Variants in SMYD3 observed in about 807,000 individuals in gnomAD.
SMYD3 encodes histone-lysine N-methyltransferase SMYD3.
A neutral mutation model predicts 57.7 loss-of-function variants in SMYD3; 36 were observed. The observed-to-expected ratio is 0.62, with a 90% CI of 0.48 to 0.82. The LOEUF (loss-of-function observed/expected upper bound fraction) is 0.82, where lower values mean the gene tolerates loss of function less well. SMYD3 is among the 40% of genes least tolerant of loss of function. The pLI is 0.00. For missense variants in SMYD3, 515 were observed against 538.8 expected (o/e 0.96, Z 0.44); for synonymous variants, 211 against 195.0 (o/e 1.08, Z -0.68).
intron 10 of SMYD3, among the ~76,000 whole-genome samples, chr1:245,812,541 GC>G (rs1471472952): frequency 6.6e-6 from 1 of 152,102 alleles, no homozygotes; most frequent in African/African-American, 2.4e-5. Flanking sequence ...CACCAGGGCT[GC>G]CCGAGGAAAC....
At chr1:245,764,622 G>T (rs752915306) in intron 10 of SMYD3, among the ~76,000 whole-genome samples, 6 of 150,830 alleles carry the variant, frequency 4.0e-5, no homozygotes, top group South Asian at 4.2e-4. Context: ...CCTTTTAACC[G>T]CAAAGCCCTT....
chr1:246,219,961 T>C lies in SMYD3; in HGVS notation c.531+107240A>G, dbSNP rs146219679. Among the ~76,000 whole-genome samples, 1,064 of 152,292 alleles carry C rather than the reference T, an allele frequency of 7.0e-3. 7 individuals carry two copies. Among genetic ancestry groups the C allele is most frequent in the Non-Finnish European group, 0.01 (694 of 68,034 alleles). ...CCTTGTTGACTCATGCACTCCCTCCTGTGAGGAGCTGAGAGCTGCAGGTGA... is the reference window on the plus strand; with the variant it reads ...CCTTGTTGACTCATGCACTCCCTCCCGTGAGGAGCTGAGAGCTGCAGGTGA... On this transcript the variant is annotated intron_variant, in intron 5 of 11. Transcript: ENST00000490107.
At chr1:246,076,940 T>C (rs2060559980) in intron 5 of SMYD3, among the ~76,000 whole-genome samples, 1 of 152,162 alleles carries the variant, frequency 6.6e-6, no homozygotes, top group East Asian at 1.9e-4. Context: ...GCTGACTGTT[T>C]CATGAAAGCA....
chr1:246,080,528 G>A (rs1193720962), intron 5 of SMYD3, among the ~76,000 whole-genome samples: 1 of 152,186 alleles, frequency 6.6e-6, no homozygotes, highest in African/African-American at 2.4e-5. Context: ...CCTGGTGCCA[G>A]AAAGGTTGGG....
At chr1:246,156,869 C>T (rs1053163631) in intron 5 of SMYD3, among the ~76,000 whole-genome samples, 5 of 152,030 alleles carry the variant, frequency 3.3e-5, no homozygotes, top group East Asian at 1.9e-4. Context: ...TCGAACAAAC[C>T]GTATTTAGTG....
At chr1:246,404,146 T>C (rs1481715035) in intron 1 of SMYD3, among the ~76,000 whole-genome samples, 2 of 152,228 alleles carry the variant, frequency 1.3e-5, no homozygotes, top group Non-Finnish European at 2.9e-5. Context: ...GGAAATTTTT[T>C]GCTTTTCGTT....
At chr1:246,047,490 C>T (rs1282763194) in intron 5 of SMYD3, among the ~76,000 whole-genome samples, 1 of 152,178 alleles carries the variant, frequency 6.6e-6, no homozygotes, top group Non-Finnish European at 1.5e-5. Context: ...GATTGTATTA[C>T]CTCAAAGCAT....
At chr1:245,776,099 G>A (rs778424682) in intron 10 of SMYD3, among the ~76,000 whole-genome samples, 1 of 152,164 alleles carries the variant, frequency 6.6e-6, no homozygotes, top group African/African-American at 2.4e-5. Flanking sequence ...CACGAAGACC[G>A]TAAGAAAGTA....
chr1:246,444,474 T>G (rs2067523264), intron 1 of SMYD3, among the ~76,000 whole-genome samples: 1 of 152,108 alleles, frequency 6.6e-6, no homozygotes, highest in Non-Finnish European at 1.5e-5. Flanking sequence ...AACCAGAGGA[T>G]TTACACTCCC....
intron 5 of SMYD3, among the ~76,000 whole-genome samples, chr1:246,243,268 A>G (rs1230268115): frequency 6.6e-6 from 1 of 151,752 alleles, no homozygotes; most frequent in African/African-American, 2.4e-5. Context: ...ATTTTAGTCC[A>G]GTTCCTGCAT....
chr1:246,403,377 A>G (rs1392438699), intron 1 of SMYD3, among the ~76,000 whole-genome samples: 1 of 152,194 alleles, frequency 6.6e-6, no homozygotes, highest in East Asian at 1.9e-4. Context: ...ACATGCCTGT[A>G]GCCCCAAGTA....
intron 5 of SMYD3, among the ~76,000 whole-genome samples, chr1:245,991,718 A>C (rs1294919191): frequency 2.0e-5 from 3 of 152,266 alleles, no homozygotes; most frequent in African/African-American, 7.2e-5. Context: ...GATTCTGACC[A>C]AAACAGAAGC....
chr1:245,780,569 C>CT (rs35392435), intron 10 of SMYD3, among the ~76,000 whole-genome samples: 12 of 150,932 alleles, frequency 8.0e-5, no homozygotes, highest in Non-Finnish European at 1.5e-4. Context: ...AAGCATGAGG[C>CT]TTTTTTTTTG....
intron 1 of SMYD3, among the ~76,000 whole-genome samples, chr1:246,460,329 T>C (rs1192611577): frequency 6.6e-6 from 1 of 152,230 alleles, no homozygotes; most frequent in East Asian, 1.9e-4. Context: ...GAAAGATGAA[T>C]ATGTCATGGT....
At chr1:245,770,497 C>T (rs967485594) in intron 10 of SMYD3, among the ~76,000 whole-genome samples, 12 of 152,174 alleles carry the variant, frequency 7.9e-5, no homozygotes, top group Non-Finnish European at 1.5e-4. Flanking sequence ...GATTAAGGTA[C>T]GAACTCTTTC....
At chr1:246,071,009 T>C (rs2060432929) in intron 5 of SMYD3, among the ~76,000 whole-genome samples, 1 of 152,218 alleles carries the variant, frequency 6.6e-6, no homozygotes, top group Non-Finnish European at 1.5e-5. Flanking sequence ...CAATGAGGCT[T>C]TACTGGTTCG....
chr1:246,067,609 C>T (rs1572970875), intron 5 of SMYD3, among the ~76,000 whole-genome samples: 1 of 152,200 alleles, frequency 6.6e-6, no homozygotes, highest in East Asian at 1.9e-4. Flanking sequence ...CTAATGCCCC[C>T]CCACAGCCCA....
chr1:246,277,329 C>T (rs1386751808), intron 5 of SMYD3, among the ~76,000 whole-genome samples: 1 of 152,168 alleles, frequency 6.6e-6, no homozygotes, highest in Non-Finnish European at 1.5e-5. Context: ...CACACTGTTA[C>T]AATGGCTAAA....
chr1:246,470,577 TACAC>T (rs1436588112), intron 1 of SMYD3, among the ~76,000 whole-genome samples: 1 of 149,592 alleles, frequency 6.7e-6, no homozygotes, highest in East Asian at 1.9e-4. Context: ...ACTATATATA[TACAC>T]ACACACTATA....
Sources: allele counts gnomAD v4.1 joint callset (sites outside exome capture counted in the v4.1 genomes callset), GRCh38; gene constraint gnomAD v4.1.1; transcripts MANE v1.5; gene names NCBI Gene and HGNC (gene_info 2026-07-23, HGNC 2026-07-21).